Variants in EEPD1 observed in about 807,000 individuals in gnomAD.
EEPD1 encodes the protein endonuclease/exonuclease/phosphatase family domain-containing protein 1.
EEPD1 carries 17 observed loss-of-function variants against 46.3 expected under a neutral mutation model. The observed-to-expected ratio is 0.37, with a 90% CI of 0.25 to 0.55. The LOEUF (loss-of-function observed/expected upper bound fraction) is 0.55, where lower values mean the gene tolerates loss of function less well. Ranked by LOEUF, EEPD1 falls within the 20% of genes least tolerant of loss-of-function variation. EEPD1 has a pLI of 0.83. For synonymous variants in EEPD1, 313 were observed against 315.6 expected, an observed-to-expected ratio of 0.99 and a Z score of 0.09; for missense variants, 673 against 745.6, an observed-to-expected ratio of 0.90 and a Z score of 1.13.
chr7:36,277,261 G>A (rs1351959589), intron 3 of EEPD1, among the ~76,000 whole-genome samples: 1 of 152,238 alleles, frequency 6.6e-6, no homozygotes, highest in African/African-American at 2.4e-5. Context: ...CCCGCTAACT[G>A]TGTAACCTTG....
At chr7:36,256,793 CTT>C (rs1439648564) in intron 3 of EEPD1, among the ~76,000 whole-genome samples, 2 of 152,094 alleles carry the variant, frequency 1.3e-5, no homozygotes, top group Non-Finnish European at 2.9e-5. Context: ...CAGTCTGTGT[CTT>C]TTAATTGGGA....
intron 3 of EEPD1, among the ~76,000 whole-genome samples, chr7:36,277,336 A>G (rs1005600643): frequency 6.6e-6 from 1 of 152,232 alleles, no homozygotes; most frequent in Non-Finnish European, 1.5e-5. Context: ...CACTGGTAGC[A>G]GTTACCTCCT....
intron 3 of EEPD1, among the ~76,000 whole-genome samples, chr7:36,259,962 C>G (rs753095029): frequency 1.3e-5 from 2 of 152,160 alleles, no homozygotes; most frequent in Non-Finnish European, 2.9e-5. Context: ...TGGTATACTT[C>G]CTCACTCCAA....
At chr7:36,185,742 C>T (rs1320950546) in intron 2 of EEPD1, among the ~76,000 whole-genome samples, 1 of 152,206 alleles carries the variant, frequency 6.6e-6, no homozygotes, top group Non-Finnish European at 1.5e-5. Flanking sequence ...TACATCTTCT[C>T]ATGCTTCCTA....
chr7:36,172,621 T>G (rs978893564), intron 2 of EEPD1, among the ~76,000 whole-genome samples: 2 of 85,834 alleles, frequency 2.3e-5, no homozygotes, highest in South Asian at 3.1e-4. Context: ...TTATGAGTTT[T>G]TTTTTTTTTT....
chr7:36,155,326 C>T (rs1784809748), intron 2 of EEPD1, 124 bp downstream of exon 2: 4 of 1,184,194 alleles, frequency 3.4e-6, no homozygotes, highest in East Asian at 5.6e-5. Context: ...AATCAATGTT[C>T]TTGAAGCCTC....
At chr7:36,231,320 A>G (rs1786323779) in intron 2 of EEPD1, among the ~76,000 whole-genome samples, 1 of 152,172 alleles carries the variant, frequency 6.6e-6, no homozygotes, top group Non-Finnish European at 1.5e-5. Flanking sequence ...CTGACTTCAG[A>G]ACTTGCCCTT....
chr7:36,285,956 C>T (rs1193662387), intron 5 of EEPD1, among the ~76,000 whole-genome samples: 1 of 152,148 alleles, frequency 6.6e-6, no homozygotes, highest in Non-Finnish European at 1.5e-5. Flanking sequence ...TGCACATGTA[C>T]ACCTGGGGGT....
intron 2 of EEPD1, among the ~76,000 whole-genome samples, chr7:36,195,986 A>T (rs1171195779): frequency 6.6e-6 from 1 of 152,194 alleles, no homozygotes; most frequent in Non-Finnish European, 1.5e-5. Context: ...TCCACTACAC[A>T]CCTAGACTAT....
chr7:36,259,253 C>G (rs1036044835), intron 3 of EEPD1, among the ~76,000 whole-genome samples: 19 of 152,318 alleles, frequency 1.2e-4, no homozygotes, highest in African/African-American at 3.6e-4. Context: ...CTCCATTGAT[C>G]TTGCTGGGAG....
chr7:36,228,217 A>G (rs770702358), intron 2 of EEPD1, among the ~76,000 whole-genome samples: 2 of 152,146 alleles, frequency 1.3e-5, no homozygotes, highest in Non-Finnish European at 2.9e-5. Flanking sequence ...AAATTCCTTA[A>G]GTAACTCCAC....
chr7:36,234,355 A>G (rs940805571), intron 2 of EEPD1, among the ~76,000 whole-genome samples: 9 of 152,222 alleles, frequency 5.9e-5, no homozygotes, highest in Non-Finnish European at 7.3e-5. Flanking sequence ...GAAGAATTCT[A>G]TAAATTAAGG....
intron 2 of EEPD1, among the ~76,000 whole-genome samples, chr7:36,156,875 C>T (rs535026052): frequency 4.2e-4 from 64 of 152,270 alleles, no homozygotes; most frequent in African/African-American, 1.5e-3. Flanking sequence ...CTTCCTCTGG[C>T]AGGGTTAGTG....
At position 36,299,709 on chromosome 7, in the gene EEPD1, T is replaced by C; in HGVS notation, c.*503T>C. On this transcript the variant is annotated 3_prime_UTR_variant, in exon 8 of 8. Coordinates refer to ENST00000242108, the MANE Select transcript of EEPD1 (RefSeq NM_030636.3). ...GATTTTTAGTTTTGTTTTGAAAAAA[T>C]AAACAGATTAACCTGCCTCGCTGCA... 1 of 159,352 alleles carries C rather than the reference T, an allele frequency of 6.3e-6. No individual in the cohort carries two copies. Among genetic ancestry groups the C allele is most frequent in the Non-Finnish European group, 1.4e-5 (1 of 72,134 alleles). The allele number at this position is 159,352 out of a possible 1,614,324, so 9.9% of individuals were successfully genotyped here. A position where few individuals can be genotyped will look rare whatever the true frequency, so the allele number is the denominator to read the frequency against.
Position 36,260,839 on chromosome 7 carries a change from C to T in EEPD1, c.931-20276C>T, listed in dbSNP as rs371554960. Reference sequence around the variant, plus strand: ...ACCATGAATTGAAAATATTCAAAAACGAAAATGTTGCATCTCTACTGAACT... The same window carrying T: ...ACCATGAATTGAAAATATTCAAAAATGAAAATGTTGCATCTCTACTGAACT... On this transcript the variant is annotated intron_variant, in intron 3 of 7. Transcript: ENST00000242108. Among the ~76,000 whole-genome samples the T allele has an allele frequency of 5.5e-4, 84 of 152,280 alleles. No homozygotes were observed. In the South Asian group the frequency reaches 0.011, roughly 20 times the overall value.
At chr7:36,162,394 C>T (rs1170888783) in intron 2 of EEPD1, among the ~76,000 whole-genome samples, 1 of 152,140 alleles carries the variant, frequency 6.6e-6, no homozygotes, top group Non-Finnish European at 1.5e-5. Context: ...ACCTGTAATC[C>T]CAACTTTGGG....
chr7:36,297,109 A>T lies in EEPD1; in HGVS notation c.1432A>T (p.Ile478Phe), dbSNP rs1298815459. The T allele has an allele frequency of 6.2e-7, 1 of 1,614,106 alleles. No homozygotes were observed. Among genetic ancestry groups the T allele is most frequent in the Non-Finnish European group, 8.5e-7 (1 of 1,180,044 alleles). ...GATCCCCGCGCACACCTTCACCAAC[A>T]TCAGCACCAAGAACCCTCAAGGCTC... ...HLIPAHTFTNISTKNPQGSKS... is the reference protein window; with the variant it reads ...HLIPAHTFTNFSTKNPQGSKS... Residue 478 changes from isoleucine (I) to phenylalanine (F), a missense_variant, in exon 7 of 8, where the codon ATC (isoleucine) becomes TTC (phenylalanine). Physicochemically the swap from Ile to Phe is conservative, Grantham distance 21. Coordinates refer to ENST00000242108, the MANE Select transcript of EEPD1 (RefSeq NM_030636.3).
At position 36,202,254 on chromosome 7, in the gene EEPD1, G is replaced by A. The variant is rs1785723877; in HGVS notation, c.879-36731G>A. Among the ~76,000 whole-genome samples, 4 of 152,300 alleles carry A rather than the reference G, an allele frequency of 2.6e-5. No individual in the cohort carries two copies. The South Asian group carries it at 8.3e-4, about 32-fold the overall frequency. Reference sequence around the variant, plus strand: ...GCAGGACATGCATCATTCCCTGTCAGGCCCTTGTGTGGAGTTCTCTCCCCA... The same window carrying A: ...GCAGGACATGCATCATTCCCTGTCAAGCCCTTGTGTGGAGTTCTCTCCCCA... On this transcript the variant is annotated intron_variant, in intron 2 of 7. Transcript: ENST00000242108.
intron 3 of EEPD1, among the ~76,000 whole-genome samples, chr7:36,243,241 G>T (rs879671072): frequency 6.6e-6 from 1 of 151,554 alleles, no homozygotes; most frequent in African/African-American, 2.4e-5. Flanking sequence ...TATCACCATC[G>T]CTATTATTAA....
Sources: gnomAD v4.1 joint callset for allele counts (sites outside exome capture counted in the v4.1 genomes callset) on GRCh38, gnomAD v4.1.1 for gene constraint, MANE v1.5 for transcripts, NCBI Gene and HGNC (gene_info 2026-07-23, HGNC 2026-07-21) for gene names.